ARHGEF28: variants seen among roughly 807,000 people sequenced by gnomAD.
ARHGEF28 encodes the protein Rho guanine nucleotide exchange factor 28, also known as 190 kDa guanine nucleotide exchange factor.
A neutral mutation model predicts 206.6 loss-of-function variants in ARHGEF28; 152 were observed. That is an observed-to-expected ratio of 0.74 (90% CI 0.64 to 0.84). ARHGEF28 has a LOEUF of 0.84. Ranked by LOEUF, ARHGEF28 falls within the 40% of genes least tolerant of loss-of-function variation. ARHGEF28 has a pLI of 0.00. For synonymous variants in ARHGEF28, 763 were observed against 776.4 expected (o/e 0.98, Z 0.29); for missense variants, 2,028 against 2,073.2 (o/e 0.98, Z 0.42).
chr5:73,740,206 C>G (rs1353046872), intron 2 of ARHGEF28, among the ~76,000 whole-genome samples: 2 of 148,648 alleles, frequency 1.3e-5, no homozygotes, highest in Admixed American at 6.7e-5. Flanking sequence ...GAAGGAGAAG[C>G]GAAAAATGAA....
chr5:73,854,892 C>A (rs1290192162), intron 14 of ARHGEF28, among the ~76,000 whole-genome samples: 2 of 152,058 alleles, frequency 1.3e-5, no homozygotes, highest in South Asian at 2.1e-4. Flanking sequence ...GATGCCAATT[C>A]TTTAAATAGA....
intron 21 of ARHGEF28, 144 bp downstream of exon 21, chr5:73,870,353 C>A: frequency 2.8e-6 from 3 of 1,060,686 alleles, no homozygotes; most frequent in Non-Finnish European, 3.9e-6. Context: ...TTTAGATCAC[C>A]TAGACCTTAG....
chr5:73,635,419 G>A (rs1273596884), intron 1 of ARHGEF28, among the ~76,000 whole-genome samples: 1 of 152,148 alleles, frequency 6.6e-6, no homozygotes, highest in Non-Finnish European at 1.5e-5. Flanking sequence ...TAGGAATCAG[G>A]AGACCTGGCT....
chr5:73,817,490 G>T (rs949910835), intron 9 of ARHGEF28, among the ~76,000 whole-genome samples: 1 of 152,128 alleles, frequency 6.6e-6, no homozygotes, highest in African/African-American at 2.4e-5. Flanking sequence ...TGTTTTATAG[G>T]TGAAGAAACT....
chr5:73,820,039 C>A (rs1756470729), intron 9 of ARHGEF28, among the ~76,000 whole-genome samples: 1 of 152,112 alleles, frequency 6.6e-6, no homozygotes, highest in African/African-American at 2.4e-5. Context: ...AGGCGGCCAG[C>A]CCATTATCAC....
chr5:73,805,009 G>T (rs950303218), intron 9 of ARHGEF28, among the ~76,000 whole-genome samples: 2 of 152,140 alleles, frequency 1.3e-5, no homozygotes, highest in African/African-American at 4.8e-5. Context: ...TGGGAAATTT[G>T]TCTGTTCCCC....
chr5:73,872,917 G>C, intron 21 of ARHGEF28, 82 bp from the exon 22 acceptor site: 2 of 1,472,668 alleles, frequency 1.4e-6, no homozygotes, highest in Non-Finnish European at 1.9e-6. Context: ...GTAACATATA[G>C]TGTTGAGTTA....
chr5:73,828,615 T>TTTC (rs371773326), intron 9 of ARHGEF28, among the ~76,000 whole-genome samples: 1 of 127,432 alleles, frequency 7.8e-6, no homozygotes, highest in African/African-American at 3.0e-5. Context: ...TCCTTTCCTT[T>TTTC]CTTTTTTCCT....
chr5:73,734,742 C>A lies in ARHGEF28; in HGVS notation c.34-15095C>A, dbSNP rs545279550. Reference sequence around the variant, plus strand: ...TCCAGAAGAATGCAAGAACTGATACCACTTTGCCAAATTAGAGTGAACTGT... The same window carrying A: ...TCCAGAAGAATGCAAGAACTGATACAACTTTGCCAAATTAGAGTGAACTGT... On this transcript the variant is annotated intron_variant, in intron 2 of 35. Coordinates refer to ENST00000513042, the MANE Select transcript of ARHGEF28 (RefSeq NM_001177693.2). Among the ~76,000 whole-genome samples, 3 of 152,216 alleles carry A rather than the reference C, an allele frequency of 2.0e-5. No homozygotes were observed. In the South Asian group the frequency reaches 6.2e-4, roughly 32 times the overall value.
At chr5:73,912,035 C>T (rs549433841) in intron 35 of ARHGEF28, among the ~76,000 whole-genome samples, 2 of 151,408 alleles carry the variant, frequency 1.3e-5, no homozygotes, top group African/African-American at 4.9e-5. Context: ...TGCTATTAAA[C>T]ACCCAAAATG....
At chr5:73,920,680 G>GT (rs113732859) in intron 35 of ARHGEF28, among the ~76,000 whole-genome samples, 15,901 of 151,656 alleles carry the variant, frequency 0.1, 1,028 homozygotes, top group South Asian at 0.21. Flanking sequence ...CGTCATCTAG[G>GT]TTTTAAGCCC....
intron 12 of ARHGEF28, among the ~76,000 whole-genome samples, chr5:73,846,796 C>G (rs17553127): frequency 0.077 from 11,755 of 152,074 alleles, 515 homozygotes; most frequent in African/African-American, 0.1. Flanking sequence ...GGAGAAAAAC[C>G]GATAGTATTA....
intron 10 of ARHGEF28, among the ~76,000 whole-genome samples, chr5:73,839,531 C>T (rs1476569629): frequency 6.6e-6 from 1 of 152,158 alleles, no homozygotes; most frequent in Non-Finnish European, 1.5e-5. Flanking sequence ...CTTAAAAGTA[C>T]GCCTTTCTTA....
chr5:73,755,283 G>T (rs1752244315), intron 4 of ARHGEF28, among the ~76,000 whole-genome samples: 1 of 151,672 alleles, frequency 6.6e-6, no homozygotes, highest in South Asian at 2.1e-4. Flanking sequence ...TTTTTAAAAA[G>T]ATTTCTAACT....
intron 16 of ARHGEF28, among the ~76,000 whole-genome samples, chr5:73,862,258 A>G (rs1759447573): frequency 6.6e-6 from 1 of 152,212 alleles, no homozygotes; most frequent in Non-Finnish European, 1.5e-5. Flanking sequence ...TCAACATAAA[A>G]TTATCCTTTT....
chr5:73,913,334 A>G (rs1763012458), intron 35 of ARHGEF28, among the ~76,000 whole-genome samples: 1 of 99,286 alleles, frequency 1.0e-5, no homozygotes, highest in South Asian at 2.8e-4. Context: ...CAGCTAGTCA[A>G]AAAACCTTAT....
chr5:73,840,708 T>G lies in ARHGEF28; in HGVS notation c.1375T>G (p.Ser459Ala), dbSNP rs1579969770. Residue 459 changes from serine to alanine, a missense_variant, in exon 11 of 36, where the codon TCT (serine) becomes GCT (alanine). Ser to Ala is a moderately conservative substitution (Grantham distance 99, BLOSUM62 1). Transcript: ENST00000513042. ...TTCGTGTGCTTCCAACTTGAATCTT[T>G]CTTTTGGTTGGCATGGATTTGAAAA... Reference protein sequence around the residue: ...SSSCASNLNLSFGWHGFEKEQ... With the variant: ...SSSCASNLNLAFGWHGFEKEQ... 2.5e-6 allele frequency: 4 copies of G among 1,612,440 alleles called. No individual in the cohort carries two copies. In the Admixed American group the frequency reaches 6.7e-5, roughly 27 times the overall value.
rs543088628 is a variant in ARHGEF28, at chr5:73,776,600, G to A, written c.744G>A (p.Thr248=). The change falls in exon 6 of 36, where the codon ACG becomes ACA. Residue 248 remains threonine, a synonymous_variant. Coordinates refer to ENST00000513042, the MANE Select transcript of ARHGEF28 (RefSeq NM_001177693.2). ...ASLHYIHSSE[T]LTLTLNHTAE... Reference sequence around the variant, plus strand: ...TGCATTACATTCACTCATCGGAAACGCTGACCCTGACCCTGAACCACACAG... The same window carrying A: ...TGCATTACATTCACTCATCGGAAACACTGACCCTGACCCTGAACCACACAG... 5.5e-5 allele frequency: 88 copies of A among 1,613,940 alleles called. No individual in the cohort carries two copies. The African/African-American group carries it at 9.3e-4, about 17-fold the overall frequency.
rs1257705238 is a variant in ARHGEF28 at position 73,840,706 on chromosome 5, T to C, written c.1373T>C (p.Leu458Pro). The part of the protein sequence containing the change: ...PSSSCASNLN[L>P]SFGWHGFEKE... ...AGTTCGTGTGCTTCCAACTTGAATCTTTCTTTTGGTTGGCATGGATTTGAA... is the reference window on the plus strand; with the variant it reads ...AGTTCGTGTGCTTCCAACTTGAATCCTTCTTTTGGTTGGCATGGATTTGAA... Residue 458 changes from leucine to proline, a missense_variant, in exon 11 of 36, where the codon CTT becomes CCT. Transcript: ENST00000513042. 1 of 1,612,388 alleles carries C rather than the reference T, an allele frequency of 6.2e-7. No individual in the cohort carries two copies. Among genetic ancestry groups the C allele is most frequent in the Non-Finnish European group, 8.5e-7 (1 of 1,179,092 alleles).
Sources: gnomAD v4.1 joint callset for allele counts (sites outside exome capture counted in the v4.1 genomes callset) on GRCh38, gnomAD v4.1.1 for gene constraint, MANE v1.5 for transcripts, NCBI Gene and HGNC (gene_info 2026-07-23, HGNC 2026-07-21) for gene names.